Variants in FHIT observed in about 807,000 individuals in gnomAD.
FHIT encodes the protein bis(5'-adenosyl)-triphosphatase.
In FHIT, 19 loss-of-function variants were observed where a neutral mutation model predicts 17.9. The observed-to-expected ratio is 1.06, with a 90% CI of 0.74 to 1.56. The LOEUF (loss-of-function observed/expected upper bound fraction) is 1.56. FHIT is among the 40% of genes most tolerant of loss of function. FHIT has a pLI of 0.00. For missense variants in FHIT, 248 were observed against 189.2 expected (o/e 1.31, Z -1.82); for synonymous variants, 81 against 69.7 (o/e 1.16, Z -0.81).
At chr3:59,865,639 C>A (rs960920210) in intron 8 of FHIT, among the ~76,000 whole-genome samples, 7 of 147,940 alleles carry the variant, frequency 4.7e-5, no homozygotes, top group African/African-American at 1.8e-4. Context: ...CACTCACTAA[C>A]AGAATGCTTT....
intron 3 of FHIT, among the ~76,000 whole-genome samples, chr3:60,968,825 G>C (rs150982696): frequency 7.2e-5 from 11 of 152,282 alleles, no homozygotes; most frequent in African/African-American, 2.6e-4. Flanking sequence ...TATCTATTGA[G>C]ATGATGATAT....
intron 7 of FHIT, among the ~76,000 whole-genome samples, chr3:59,997,439 G>C (rs1242970510): frequency 6.6e-6 from 1 of 152,140 alleles, no homozygotes; most frequent in Admixed American, 6.5e-5. Flanking sequence ...AACTATTATA[G>C]CTGGGGTTAT....
At chr3:60,315,385 A>G (rs376889293) in intron 5 of FHIT, among the ~76,000 whole-genome samples, 15 of 152,306 alleles carry the variant, frequency 9.8e-5, no homozygotes, top group African/African-American at 3.6e-4. Flanking sequence ...CACCTAGGTC[A>G]TAAGACATGT....
chr3:60,051,500 G>T (rs1388476367), intron 5 of FHIT, among the ~76,000 whole-genome samples: 1 of 151,944 alleles, frequency 6.6e-6, no homozygotes, highest in Non-Finnish European at 1.5e-5. Flanking sequence ...CCTAGAACAG[G>T]GACAGAGTGG....
At chr3:60,346,483 C>T (rs577143805) in intron 5 of FHIT, among the ~76,000 whole-genome samples, 1 of 152,192 alleles carries the variant, frequency 6.6e-6, no homozygotes, top group Non-Finnish European at 1.5e-5. Flanking sequence ...TTGCACCTTA[C>T]CCAGGGGAGG....
At chr3:59,956,566 G>A (rs1180033560) in intron 7 of FHIT, among the ~76,000 whole-genome samples, 1 of 152,076 alleles carries the variant, frequency 6.6e-6, no homozygotes, top group Non-Finnish European at 1.5e-5. Flanking sequence ...TACTTGGGAG[G>A]CTGAACCAGG....
intron 3 of FHIT, among the ~76,000 whole-genome samples, chr3:60,978,728 G>A (rs1272792248): frequency 6.6e-6 from 1 of 152,124 alleles, no homozygotes; most frequent in African/African-American, 2.4e-5. Context: ...TCATCAGGTA[G>A]GTTCACATTC....
chr3:60,671,673 C>T (rs2040507654), intron 4 of FHIT, among the ~76,000 whole-genome samples: 1 of 151,794 alleles, frequency 6.6e-6, no homozygotes, highest in Non-Finnish European at 1.5e-5. Context: ...GGTGCAGTGG[C>T]TCATGCCTGT....
At chr3:60,675,462 C>A (rs1206099182) in intron 4 of FHIT, among the ~76,000 whole-genome samples, 1 of 152,200 alleles carries the variant, frequency 6.6e-6, no homozygotes, top group African/African-American at 2.4e-5. Context: ...AGAGGAAGCT[C>A]AAGTTCTCCC....
At chr3:60,688,722 G>A (rs1364524447) in intron 4 of FHIT, among the ~76,000 whole-genome samples, 1 of 152,100 alleles carries the variant, frequency 6.6e-6, no homozygotes, top group African/African-American at 2.4e-5. Context: ...GTAAGCCCCT[G>A]TGTCCGGCCA....
chr3:60,174,580 T>C (rs1576252703), intron 5 of FHIT, among the ~76,000 whole-genome samples: 1 of 151,942 alleles, frequency 6.6e-6, no homozygotes, highest in African/African-American at 2.4e-5. Flanking sequence ...CAAAATCACA[T>C]GGCTAATGAG....
chr3:60,128,598 T>C (rs991777934), intron 5 of FHIT, among the ~76,000 whole-genome samples: 1 of 152,176 alleles, frequency 6.6e-6, no homozygotes, highest in African/African-American at 2.4e-5. Flanking sequence ...CAGCAAACAA[T>C]ACCCACCAAT....
At chr3:60,597,079 C>T (rs1167562445) in intron 4 of FHIT, among the ~76,000 whole-genome samples, 5 of 152,134 alleles carry the variant, frequency 3.3e-5, no homozygotes, top group East Asian at 3.9e-4. Context: ...TTATGGACAA[C>T]GGAGGCTTGC....
In FHIT at chr3:60,427,347, T is replaced by C. The variant is rs534242672; in HGVS notation, c.103+109513A>G. Among the ~76,000 whole-genome samples the C allele has an allele frequency of 5.5e-4, 84 of 152,074 alleles. 1 individual carries two copies. Among genetic ancestry groups the C allele is most frequent in the Non-Finnish European group, 9.6e-4 (65 of 67,978 alleles). On this transcript the variant is annotated intron_variant, in intron 5 of 9. Transcript: ENST00000492590. ...CAACAGGAGACAGCTCGGAACTGGG[T>C]ATTTCCCTAGTCAAGCAAGCCTCCA...
intron 2 of FHIT, among the ~76,000 whole-genome samples, chr3:61,156,164 C>A (rs1184567165): frequency 2.0e-5 from 3 of 152,176 alleles, no homozygotes; most frequent in Non-Finnish European, 4.4e-5. Flanking sequence ...GAAGTTCACC[C>A]CATACGCTTT....
chr3:60,546,481 T>A (rs547857737), intron 4 of FHIT, among the ~76,000 whole-genome samples: 1 of 152,352 alleles, frequency 6.6e-6, no homozygotes, highest in South Asian at 2.1e-4. Context: ...GCTGAATTGA[T>A]ATTGTTATAA....
intron 8 of FHIT, among the ~76,000 whole-genome samples, chr3:59,759,679 G>A (rs1701404163): frequency 6.6e-6 from 1 of 152,142 alleles, no homozygotes; most frequent in Admixed American, 6.5e-5. Context: ...GATTCTGGAT[G>A]CTTTCATGCT....
intron 8 of FHIT, among the ~76,000 whole-genome samples, chr3:59,866,499 G>A (rs996932742): frequency 2.6e-5 from 4 of 152,114 alleles, no homozygotes; most frequent in Admixed American, 6.5e-5. Context: ...TCTGTTTTGC[G>A]GAGTTCTTCC....
intron 5 of FHIT, among the ~76,000 whole-genome samples, chr3:60,134,702 T>A (rs1327321371): frequency 1.3e-5 from 2 of 152,134 alleles, no homozygotes; most frequent in Non-Finnish European, 2.9e-5. Context: ...CACCGACAAA[T>A]GTAGACACGT....
Sources: gnomAD v4.1 joint callset for allele counts (sites outside exome capture counted in the v4.1 genomes callset) on GRCh38, gnomAD v4.1.1 for gene constraint, MANE v1.5 for transcripts, NCBI Gene and HGNC (gene_info 2026-07-23, HGNC 2026-07-21) for gene names.